EPB41L5: variants seen among roughly 807,000 people sequenced by gnomAD.
EPB41L5 encodes the protein erythrocyte membrane protein band 4.1 like 5, also known as band 4.1-like protein 5.
EPB41L5 carries 55 observed loss-of-function variants against 106.6 expected under a neutral mutation model. The ratio of observed to expected loss-of-function variants is 0.52; its 90% CI spans 0.42 to 0.65. The LOEUF is 0.65. EPB41L5 is among the 30% of genes least tolerant of loss of function. The pLI, the probability that EPB41L5 is intolerant of heterozygous loss-of-function variation, is 0.00. For synonymous variants in EPB41L5, 297 were observed against 306.7 expected, an observed-to-expected ratio of 0.97 and a Z score of 0.33; for missense variants, 871 against 882.1, an observed-to-expected ratio of 0.99 and a Z score of 0.16.
chr2:120,137,412 A>AT (rs1685973715), intron 18 of EPB41L5, among the ~76,000 whole-genome samples: 1 of 152,044 alleles, frequency 6.6e-6, no homozygotes, highest in African/African-American at 2.4e-5. Flanking sequence ...CAAAAGATCA[A>AT]TAAAATAAAA....
Position 120,090,492 on chromosome 2 carries a change from G to A in EPB41L5, c.1019G>A (p.Arg340Gln), listed in dbSNP as rs778502698. ...AGTTCTCATCGATCAGGATTTATTCGACTAGGATCACGATTTAGATATAGG... is the reference window on the plus strand; with the variant it reads ...AGTTCTCATCGATCAGGATTTATTCAACTAGGATCACGATTTAGATATAGG... Reference protein sequence around the residue: ...QKSSHRSGFIRLGSRFRYSGK... With the variant: ...QKSSHRSGFIQLGSRFRYSGK... Residue 340 changes from arginine to glutamine, a missense_variant, in exon 12 of 25, where the codon CGA (arginine) becomes CAA (glutamine). Coordinates refer to ENST00000263713, the MANE Select transcript of EPB41L5 (RefSeq NM_020909.4). 1 of 1,612,554 alleles carries A rather than the reference G, an allele frequency of 6.2e-7. No homozygotes were observed. The highest frequency in any genetic ancestry group is 2.2e-5 in the East Asian group (1 of 44,852).
chr2:120,101,399 T>G (rs898578534), intron 16 of EPB41L5, among the ~76,000 whole-genome samples: 1 of 152,240 alleles, frequency 6.6e-6, no homozygotes, highest in African/African-American at 2.4e-5. Context: ...ATGGATACTT[T>G]GTGTCTTATT....
rs2276586 is a variant in EPB41L5, at chr2:120,013,132, A to C, written c.-87A>C. On this transcript the variant is annotated 5_prime_UTR_variant, in exon 1 of 25. Transcript: ENST00000263713. Reference sequence around the variant, plus strand: ...TTGTGGGCGCCATTTCTCGGCGTCTACCGAGGAGCCGCCCCTTTCTCAGCC... The same window carrying C: ...TTGTGGGCGCCATTTCTCGGCGTCTCCCGAGGAGCCGCCCCTTTCTCAGCC... 103,800 of 152,026 alleles carry C rather than the reference A, an allele frequency of 0.68. 36,954 individuals are homozygous for C. Among genetic ancestry groups the C allele is most frequent in the Non-Finnish European group, 0.78 (53,315 of 67,974 alleles). 9.4% of individuals were successfully genotyped at this position (152,026 alleles called of 1,614,324 possible).
intron 3 of EPB41L5, among the ~76,000 whole-genome samples, chr2:120,059,382 CAAAT>C (rs1319403567): frequency 2.6e-5 from 4 of 151,948 alleles, no homozygotes; most frequent in South Asian, 2.1e-4. Context: ...AACTTAGAGA[CAAAT>C]AAACAGGAGA....
chr2:120,037,522 TC>T (rs1679119484), intron 2 of EPB41L5, among the ~76,000 whole-genome samples: 1 of 152,064 alleles, frequency 6.6e-6, no homozygotes, highest in African/African-American at 2.4e-5. Context: ...AACTACAGAA[TC>T]AAAAACTGTG....
chr2:120,072,748 G>T (rs1039300606), intron 3 of EPB41L5, among the ~76,000 whole-genome samples: 1 of 152,116 alleles, frequency 6.6e-6, no homozygotes, highest in Non-Finnish European at 1.5e-5. Flanking sequence ...CATGGACACA[G>T]GGAGGGGAAC....
Position 120,175,062 on chromosome 2 carries a change from T to C in EPB41L5, c.*155T>C. ...CTCCGTAAAAAAGACAGCTGTATTT[T>C]CCGTCCAACTGGAATTGTTGAATCA... On this transcript the variant is annotated 3_prime_UTR_variant, in exon 25 of 25. Coordinates refer to ENST00000263713, the MANE Select transcript of EPB41L5 (RefSeq NM_020909.4). 1 of 707,904 alleles carries C rather than the reference T, an allele frequency of 1.4e-6. No individual in the cohort carries two copies. The highest frequency in any genetic ancestry group is 1.6e-5 in the South Asian group (1 of 62,454). The allele number at this position is 707,904 out of a possible 1,614,324, so 43.9% of individuals were successfully genotyped here. A position where few individuals can be genotyped will look rare whatever the true frequency, so the allele number is the denominator to read the frequency against.
intron 19 of EPB41L5, among the ~76,000 whole-genome samples, chr2:120,143,591 T>G (rs1686276172): frequency 6.6e-6 from 1 of 152,154 alleles, no homozygotes; most frequent in Admixed American, 6.6e-5. Flanking sequence ...TCCTTGGCTC[T>G]CCGTGACTTT....
chr2:120,062,292 C>T (rs1334266195), intron 3 of EPB41L5, among the ~76,000 whole-genome samples: 7 of 152,082 alleles, frequency 4.6e-5, no homozygotes, highest in East Asian at 1.9e-4. Context: ...TATTGTAACA[C>T]ACATATTTGC....
chr2:120,164,588 C>G (rs548036429), intron 21 of EPB41L5, among the ~76,000 whole-genome samples: 1 of 152,128 alleles, frequency 6.6e-6, no homozygotes, highest in Non-Finnish European at 1.5e-5. Flanking sequence ...TTTGTCTTAC[C>G]AAAGGAGAAT....
At chr2:120,022,350 C>CAAA (rs1437023310) in intron 2 of EPB41L5, among the ~76,000 whole-genome samples, 17 of 151,480 alleles carry the variant, frequency 1.1e-4, no homozygotes, top group African/African-American at 4.1e-4. Flanking sequence ...CACCCCCCGA[C>CAAA]AGGCCCTGGT....
chr2:120,049,062 G>A (rs905594073), intron 3 of EPB41L5, among the ~76,000 whole-genome samples: 2 of 152,268 alleles, frequency 1.3e-5, no homozygotes, highest in Admixed American at 6.5e-5. Context: ...TACATTTGCC[G>A]AGGAGTGCTT....
intron 11 of EPB41L5, among the ~76,000 whole-genome samples, chr2:120,088,724 G>GT (rs70949384): frequency 1.4e-4 from 22 of 151,936 alleles, no homozygotes; most frequent in African/African-American, 4.6e-4. Context: ...TGTTATTGGT[G>GT]TTTTTTTTCT....
intron 16 of EPB41L5, among the ~76,000 whole-genome samples, chr2:120,125,622 C>A (rs748748763): frequency 6.6e-6 from 1 of 152,140 alleles, no homozygotes; most frequent in East Asian, 1.9e-4. Flanking sequence ...TTTTACAATG[C>A]CCCATTCTCC....
intron 14 of EPB41L5, among the ~76,000 whole-genome samples, chr2:120,099,339 T>C (rs1336222629): frequency 1.1e-5 from 1 of 94,340 alleles, no homozygotes; most frequent in Non-Finnish European, 2.8e-5. Flanking sequence ...TTCTGTAGTT[T>C]CTGGGTTTTT....
intron 14 of EPB41L5, among the ~76,000 whole-genome samples, chr2:120,096,747 G>A (rs1168318730): frequency 6.6e-6 from 1 of 152,116 alleles, no homozygotes. Flanking sequence ...CCGAGACTGC[G>A]CCACTGCACT....
chr2:120,086,620 G>C (rs1683072755), intron 10 of EPB41L5, among the ~76,000 whole-genome samples: 1 of 151,880 alleles, frequency 6.6e-6, no homozygotes, highest in Non-Finnish European at 1.5e-5. Context: ...AAATTAGCCT[G>C]GTGTGGTGTG....
Position 120,143,074 on chromosome 2 carries a change from A to G in EPB41L5, c.1671A>G (p.Arg557=). The G allele has an allele frequency of 6.2e-7, 1 of 1,611,300 alleles. No homozygotes were observed. The change falls in exon 19 of 25, where the codon AGA becomes AGG. Residue 557 remains arginine (R), a synonymous_variant. Transcript: ENST00000263713. The stretch of plus-strand genomic sequence containing the variant: ...AGAGCCCAGGATTGAATGTCATGAG[A>G]GTTCCTCCTGACTTCAAGAGTAACA... ...VIESPGLNVM[R]VPPDFKSNIL... is the part of the protein sequence containing the mutation.
At chr2:120,064,547 A>G (rs1189598555) in intron 3 of EPB41L5, among the ~76,000 whole-genome samples, 1 of 152,150 alleles carries the variant, frequency 6.6e-6, no homozygotes, top group East Asian at 1.9e-4. Flanking sequence ...TTGTGGTTAC[A>G]TATTATTTAT....
Sources: gnomAD v4.1 joint callset for allele counts (sites outside exome capture counted in the v4.1 genomes callset) on GRCh38, gnomAD v4.1.1 for gene constraint, MANE v1.5 for transcripts, NCBI Gene and HGNC (gene_info 2026-07-23, HGNC 2026-07-21) for gene names.